Variants in KLC1 observed in about 807,000 individuals in gnomAD.
KLC1 encodes the protein kinesin 2 60/70kDa.
KLC1 carries 30 observed loss-of-function variants against 84.2 expected under a neutral mutation model. The observed-to-expected ratio is 0.36, with a 90% CI of 0.27 to 0.48. The LOEUF is 0.48. KLC1 is among the 20% of genes least tolerant of loss of function. The pLI is 0.99. For synonymous variants in KLC1, 289 were observed against 293.3 expected, an observed-to-expected ratio of 0.99 and a Z score of 0.15; for missense variants, 499 against 805.4, an observed-to-expected ratio of 0.62 and a Z score of 4.60.
At chr14:103,659,080 C>T (rs1240720917) in intron 3 of KLC1, among the ~76,000 whole-genome samples, 2 of 151,984 alleles carry the variant, frequency 1.3e-5, no homozygotes, top group South Asian at 2.1e-4. Context: ...TGGGTTCAAG[C>T]GATTCTCCCT....
intron 1 of KLC1, among the ~76,000 whole-genome samples, chr14:103,641,861 A>G (rs1279441981): frequency 3.3e-5 from 5 of 152,170 alleles, no homozygotes; most frequent in African/African-American, 1.2e-4. Flanking sequence ...AGCTCAAGCT[A>G]TCTGCCTGCC....
chr14:103,633,807 C>T (rs1324299956), intron 1 of KLC1, among the ~76,000 whole-genome samples: 1 of 152,146 alleles, frequency 6.6e-6, no homozygotes, highest in Non-Finnish European at 1.5e-5. Flanking sequence ...TCCTTAGCCT[C>T]TGCCCTGATT....
At chr14:103,641,803 G>C (rs1219682600) in intron 1 of KLC1, among the ~76,000 whole-genome samples, 3 of 152,066 alleles carry the variant, frequency 2.0e-5, no homozygotes, top group Non-Finnish European at 4.4e-5. Flanking sequence ...TGTATTTTTT[G>C]TAGAGATGGG....
At chr14:103,632,366 A>C (rs1195387352) in intron 1 of KLC1, among the ~76,000 whole-genome samples, 3 of 151,904 alleles carry the variant, frequency 2.0e-5, no homozygotes, top group African/African-American at 7.3e-5. Context: ...TGGAGGTTGT[A>C]GTGAGCCGAG....
rs774460453 is a variant in KLC1 at position 103,679,653 on chromosome 14, A to G, written c.1650+108A>G. 26 of 765,898 alleles carry G rather than the reference A, an allele frequency of 3.4e-5. No homozygotes were observed. The Admixed American group carries it at 6.9e-4, about 20-fold the overall frequency. 47.4% of individuals were successfully genotyped at this position (765,898 alleles called of 1,614,324 possible). On this transcript the variant is annotated intron_variant, in intron 13 of 16. Transcript: ENST00000334553. Reference sequence around the variant, plus strand: ...TAGACCTTCTGCTTTTCTCAAATTAAGTGCCAATTAAGCTTTCTGTAAGTT... The same window carrying G: ...TAGACCTTCTGCTTTTCTCAAATTAGGTGCCAATTAAGCTTTCTGTAAGTT...
intron 1 of KLC1, among the ~76,000 whole-genome samples, chr14:103,644,898 G>C (rs1401145255): frequency 6.6e-6 from 1 of 152,058 alleles, no homozygotes; most frequent in Non-Finnish European, 1.5e-5. Context: ...TTACTCTTTT[G>C]GGGCTGGCCA....
intron 15 of KLC1, chr14:103,695,366 C>A: frequency 2.0e-5 from 13 of 643,976 alleles, no homozygotes; most frequent in South Asian, 6.9e-5. Context: ...TATATACATA[C>A]ATATATATAC....
intron 5 of KLC1, among the ~76,000 whole-genome samples, chr14:103,666,130 C>T (rs922708843): frequency 6.6e-6 from 1 of 152,058 alleles, no homozygotes; most frequent in African/African-American, 2.4e-5. Flanking sequence ...GTGGCGTTGT[C>T]TGGGCTCACT....
chr14:103,682,846 A>G (rs1335831512), intron 13 of KLC1: 1 of 142,982 alleles, frequency 7.0e-6, no homozygotes, highest in Non-Finnish European at 1.5e-5. Flanking sequence ...CACAATCTCC[A>G]CTCACTGCAA....
At chr14:103,633,111 G>A (rs992200714) in intron 1 of KLC1, among the ~76,000 whole-genome samples, 1 of 150,938 alleles carries the variant, frequency 6.6e-6, no homozygotes, top group South Asian at 2.1e-4. Context: ...AGGCTGGAAC[G>A]CAGTGGCACG....
In KLC1 at chr14:103,662,135, C is replaced by A; in HGVS notation, c.512C>A (p.Ser171Tyr). 2 of 1,613,868 alleles carry A rather than the reference C, an allele frequency of 1.2e-6. No individual in the cohort carries two copies. Among genetic ancestry groups the A allele is most frequent in the Non-Finnish European group, 1.7e-6 (2 of 1,179,768 alleles). Residue 171 changes from serine (S) to tyrosine (Y), a missense_variant, in exon 4 of 17, where the codon TCT (serine) becomes TAT (tyrosine). By Grantham distance (144) the Ser-to-Tyr change is moderately radical (BLOSUM62 -2). This residue lies in a region of KLC1 where 179 missense variants were observed against 264.2 expected (regional missense o/e 0.68). Transcript: ENST00000334553. ...ISPSEDKDTD[S>Y]TKEPLDDLFP... ...TTATAGGAGGACAAAGACACTGATT[C>A]TACCAAAGAGCCTCTGGATGACCTT...
At chr14:103,670,665 T>G (rs2080301793) in intron 7 of KLC1, among the ~76,000 whole-genome samples, 1 of 151,868 alleles carries the variant, frequency 6.6e-6, no homozygotes, top group African/African-American at 2.4e-5. Context: ...ATTTTTCGGT[T>G]TTAGGTTTTG....
rs114803306 is a variant in KLC1, at chr14:103,672,131, C to T, written c.988-883C>T. Reference sequence around the variant, plus strand: ...AAGTGTGGGCTTCTGCGGGCCAGAGCCAGGGGGTGTTGGGGATGGTTTCTC... The same window carrying T: ...AAGTGTGGGCTTCTGCGGGCCAGAGTCAGGGGGTGTTGGGGATGGTTTCTC... On this transcript the variant is annotated intron_variant, in intron 7 of 16. Coordinates refer to ENST00000334553, the MANE Select transcript of KLC1 (RefSeq NM_001394837.1). Among the ~76,000 whole-genome samples the T allele has an allele frequency of 2.4e-3, 366 of 152,148 alleles. 1 individual carries two copies. Among genetic ancestry groups the T allele is most frequent in the African/African-American group, 8.5e-3 (354 of 41,498 alleles).
At chr14:103,651,032 T>TG (rs750694228) in intron 1 of KLC1, among the ~76,000 whole-genome samples, 2 of 150,558 alleles carry the variant, frequency 1.3e-5, no homozygotes, top group Non-Finnish European at 2.9e-5. Flanking sequence ...TATTTAGTGA[T>TG]GGAGTCTTGC....
Position 103,669,415 on chromosome 14 carries a change from CAG to C in KLC1, c.798-93_798-92del. 7.7e-6 allele frequency: 5 copies of C among 647,350 alleles called. No homozygotes were observed. In the South Asian group the frequency reaches 1.0e-4, roughly 13 times the overall value. 40.1% of individuals were successfully genotyped at this position (647,350 alleles called of 1,614,324 possible). On this transcript the variant is annotated intron_variant, in intron 5 of 16. Transcript: ENST00000334553. Reference sequence around the variant, plus strand: ...CACCACTGCACTCCAACCTGTGCAACAGAGTCAGACTCTGTCTAAAAAAAAAG... The same window carrying C: ...CACCACTGCACTCCAACCTGTGCAACAGTCAGACTCTGTCTAAAAAAAAAG...
intron 11 of KLC1, 32 bp downstream of exon 11, chr14:103,675,788 C>T (rs1387121250): frequency 2.5e-6 from 4 of 1,589,648 alleles, no homozygotes; most frequent in African/African-American, 1.4e-5. Context: ...GCTGGAAAAA[C>T]CAAAAAGCAG....
In KLC1 at chr14:103,669,295, C is replaced by T. The variant is rs552432186; in HGVS notation, c.798-216C>T. 2.6e-5 allele frequency among the ~76,000 whole-genome samples: 4 copies of T among 151,700 alleles called. No homozygotes were observed. In the East Asian group the frequency reaches 5.9e-4, roughly 22 times the overall value. Reference sequence around the variant, plus strand: ...ACTAAAAATACAAAAATTAGCCGGGCGTGGTGACAGATGCCTGTAATCCCA... The same window carrying T: ...ACTAAAAATACAAAAATTAGCCGGGTGTGGTGACAGATGCCTGTAATCCCA... On this transcript the variant is annotated intron_variant, in intron 5 of 16. Transcript: ENST00000334553.
chr14:103,696,136 C>A, intron 15 of KLC1: 1 of 977,588 alleles, frequency 1.0e-6, no homozygotes. Context: ...GTGTGCAGCG[C>A]CCGTCCCCAG....
chr14:103,682,375 G>GAAAAAA (rs3035510), intron 13 of KLC1: 60 of 97,700 alleles, frequency 6.1e-4, no homozygotes, highest in Middle Eastern at 5.6e-3. Context: ...GTCTCAAAAA[G>GAAAAAA]AAAAAAAAAA....
Sources: allele counts gnomAD v4.1 joint callset (sites outside exome capture counted in the v4.1 genomes callset), GRCh38; gene constraint gnomAD v4.1.1; regional missense constraint gnomAD v4.1.1; transcripts MANE v1.5; gene names NCBI Gene and HGNC (gene_info 2026-07-23, HGNC 2026-07-21).